CSMD3: variants seen among roughly 807,000 people sequenced by gnomAD.
The protein encoded by CSMD3 is CUB and sushi domain-containing protein 3.
A neutral mutation model predicts 435.2 loss-of-function variants in CSMD3; 177 were observed. The ratio of observed to expected loss-of-function variants is 0.41; its 90% confidence interval spans 0.36 to 0.46. The LOEUF is 0.46. Ranked by LOEUF, CSMD3 falls within the 20% of genes least tolerant of loss-of-function variation. The pLI is 0.34. For synonymous variants in CSMD3, 1,656 were observed against 1,520.5 expected (o/e 1.09, Z -2.07); for missense variants, 4,265 against 4,504.6 (o/e 0.95, Z 1.52).
At chr8:112,854,817 C>CCTAGCAAAAA (rs879543469) in intron 11 of CSMD3, among the ~76,000 whole-genome samples, 5 of 152,096 alleles carry the variant, frequency 3.3e-5, no homozygotes, top group Non-Finnish European at 7.4e-5. Flanking sequence ...AAAAACTTCA[C>CCTAGCAAAAA]CTGAGGCAAT....
intron 5 of CSMD3, among the ~76,000 whole-genome samples, chr8:113,043,271 C>A (rs144111699): frequency 6.6e-6 from 1 of 152,234 alleles, no homozygotes; most frequent in Non-Finnish European, 1.5e-5. Flanking sequence ...GTTCTTGCTA[C>A]GAAATCTTGC....
intron 63 of CSMD3, among the ~76,000 whole-genome samples, chr8:112,253,444 C>T (rs1412392214): frequency 6.6e-6 from 1 of 151,864 alleles, no homozygotes; most frequent in East Asian, 1.9e-4. Context: ...TTTTTAATAA[C>T]AAAATATGGC....
At chr8:112,472,762 A>G (rs1223192563) in intron 31 of CSMD3, 55 bp from the exon 32 acceptor site, 8 of 913,872 alleles carry the variant, frequency 8.8e-6, no homozygotes, top group Non-Finnish European at 1.5e-5. Context: ...AAAAATTCAT[A>G]CCATGGTTAT....
intron 7 of CSMD3, among the ~76,000 whole-genome samples, chr8:112,965,450 A>G (rs866522651): frequency 5.1e-4 from 78 of 151,924 alleles, no homozygotes; most frequent in South Asian, 6.2e-4. Context: ...GTTACAGGTG[A>G]AAAAAACAAA....
chr8:112,756,697 G>A (rs533511940), intron 13 of CSMD3, among the ~76,000 whole-genome samples: 128 of 152,066 alleles, frequency 8.4e-4, no homozygotes, highest in Non-Finnish European at 1.6e-3. Context: ...GAAAAATGCG[G>A]TTTGTTATGG....
rs142040849 is a variant in CSMD3 at position 113,218,261 on chromosome 8, C to G, written c.515-44345G>C. ...TAAGAAAAGTAATACTCAATGTAAA[C>G]TCAGATGTAACTGAAGGAATTAAGG... On this transcript the variant is annotated intron_variant, in intron 3 of 70. Coordinates refer to ENST00000297405, the MANE Select transcript of CSMD3 (RefSeq NM_198123.2). Among the ~76,000 whole-genome samples, 458 of 149,968 alleles carry G rather than the reference C, an allele frequency of 3.1e-3. 2 individuals carry two copies. Among genetic ancestry groups the G allele is most frequent in the African/African-American group, 9.4e-3 (386 of 41,088 alleles).
Position 113,233,539 on chromosome 8 carries a change from C to T in CSMD3, c.514+45053G>A, listed in dbSNP as rs143248983. On this transcript the variant is annotated intron_variant, in intron 3 of 70. Coordinates refer to ENST00000297405, the MANE Select transcript of CSMD3 (RefSeq NM_198123.2). ...AGAATATTAATTATAAAAATATTTACATGATATAATAAGAAGCTAGATATT... is the reference window on the plus strand; with the variant it reads ...AGAATATTAATTATAAAAATATTTATATGATATAATAAGAAGCTAGATATT... 9.1e-3 allele frequency among the ~76,000 whole-genome samples: 1,376 copies of T among 150,618 alleles called. 14 individuals carry two copies. The highest frequency in any genetic ancestry group is 0.032 in the African/African-American group (1,325 of 41,252).
At chr8:112,605,390 T>C (rs1028595756) in intron 22 of CSMD3, among the ~76,000 whole-genome samples, 3 of 152,202 alleles carry the variant, frequency 2.0e-5, no homozygotes, top group African/African-American at 7.2e-5. Context: ...TGCCCATCAA[T>C]AGTGGACTGC....
chr8:113,130,894 C>T (rs1019995840), intron 4 of CSMD3, among the ~76,000 whole-genome samples: 6 of 152,096 alleles, frequency 3.9e-5, no homozygotes, highest in South Asian at 2.1e-4. Flanking sequence ...GGAGCAAGGC[C>T]GCTCTTGCTA....
chr8:113,289,585 AG>A (rs1563656766), intron 2 of CSMD3, among the ~76,000 whole-genome samples: 33 of 150,790 alleles, frequency 2.2e-4, no homozygotes, highest in African/African-American at 7.8e-4. Flanking sequence ...AGAGAGAGAG[AG>A]AGAAATACAT....
chr8:113,014,617 A>G (rs185135854), intron 6 of CSMD3, among the ~76,000 whole-genome samples: 2 of 152,276 alleles, frequency 1.3e-5, no homozygotes, highest in East Asian at 3.9e-4. Flanking sequence ...TTGTAAGCCC[A>G]TTACACAAAG....
chr8:112,551,434 T>C (rs757798274), intron 26 of CSMD3, among the ~76,000 whole-genome samples: 3 of 152,102 alleles, frequency 2.0e-5, no homozygotes, highest in Non-Finnish European at 2.9e-5. Context: ...AAAATTAGAA[T>C]CGGGTGCTTT....
intron 13 of CSMD3, among the ~76,000 whole-genome samples, chr8:112,763,177 T>C (rs2077886481): frequency 6.6e-6 from 1 of 151,602 alleles, no homozygotes; most frequent in Admixed American, 6.6e-5. Flanking sequence ...TTTTGTCAAG[T>C]TAAAAAAATA....
At chr8:112,737,129 A>G (rs925240854) in intron 13 of CSMD3, among the ~76,000 whole-genome samples, 2 of 152,034 alleles carry the variant, frequency 1.3e-5, no homozygotes, top group African/African-American at 4.8e-5. Flanking sequence ...ATAAGCCATC[A>G]GATGGCTTTC....
intron 4 of CSMD3, among the ~76,000 whole-genome samples, chr8:113,105,814 A>C (rs1305261342): frequency 6.6e-6 from 1 of 152,170 alleles, no homozygotes; most frequent in Admixed American, 6.5e-5. Context: ...AAGAAAGCTC[A>C]AGATTCCTTA....
intron 38 of CSMD3, among the ~76,000 whole-genome samples, chr8:112,361,487 AAATG>A (rs1827197267): frequency 6.7e-6 from 1 of 150,070 alleles, no homozygotes; most frequent in Non-Finnish European, 1.5e-5. Flanking sequence ...TCTGTATCAG[AAATG>A]TTGTTAATCA....
Position 113,217,619 on chromosome 8 carries a change from A to G in CSMD3, c.515-43703T>C, listed in dbSNP as rs1401942213. ...GCGTATTCAAAATTGTAGGAAAAAT[A>G]TAAGTGAATCTGAAAACAAAAGAAC... On this transcript the variant is annotated intron_variant, in intron 3 of 70. Coordinates refer to ENST00000297405, the MANE Select transcript of CSMD3 (RefSeq NM_198123.2). Among the ~76,000 whole-genome samples the G allele has an allele frequency of 5.3e-5, 8 of 151,830 alleles. No individual in the cohort carries two copies. The South Asian group carries it at 6.2e-4, about 12-fold the overall frequency.
At chr8:112,685,791 A>AT in intron 14 of CSMD3, 59 bp from the exon 15 acceptor site, 4 of 1,043,092 alleles carry the variant, frequency 3.8e-6, no homozygotes, top group Non-Finnish European at 5.9e-6. Context: ...ATTTCATCTT[A>AT]TTTTGTCATA....
intron 40 of CSMD3, among the ~76,000 whole-genome samples, chr8:112,349,469 T>C (rs1325852229): frequency 6.6e-6 from 1 of 152,122 alleles, no homozygotes; most frequent in African/African-American, 2.4e-5. Context: ...AGCAATATGG[T>C]AATGGATGAA....
Sources: gnomAD v4.1 joint callset for allele counts (sites outside exome capture counted in the v4.1 genomes callset) on GRCh38, gnomAD v4.1.1 for gene constraint, MANE v1.5 for transcripts, NCBI Gene and HGNC (gene_info 2026-07-23, HGNC 2026-07-21) for gene names.